The following PDE4B variants were observed in gnomAD, a reference collection of about 807,000 sequenced individuals.
PDE4B encodes the protein phosphodiesterase 4B.
Under a neutral mutation model 82.2 loss-of-function variants are expected in PDE4B, and 20 were observed. That is an observed-to-expected ratio of 0.24 (90% CI 0.17 to 0.35). The LOEUF (loss-of-function observed/expected upper bound fraction) is 0.35. Among genes scored for constraint, PDE4B ranks in the 10% least tolerant of loss-of-function variants. PDE4B has a pLI of 1.00. For synonymous variants in PDE4B, 320 were observed against 318.9 expected, an observed-to-expected ratio of 1.00 and a Z score of -0.04; for missense variants, 655 against 907.2, an observed-to-expected ratio of 0.72 and a Z score of 3.57.
At chr1:66,164,535 C>CAAAAAAAAAAAAAAAAAAAA (rs10718019) in intron 3 of PDE4B, among the ~76,000 whole-genome samples, 26 of 48,556 alleles carry the variant, frequency 5.4e-4, no homozygotes, top group South Asian at 1.4e-3. Flanking sequence ...GACTCCGTCT[C>CAAAAAAAAAAAAAAAAAAAA]AAAAAAAAAA....
At chr1:65,931,283 T>C (rs1209208470) in intron 3 of PDE4B, among the ~76,000 whole-genome samples, 2 of 152,216 alleles carry the variant, frequency 1.3e-5, no homozygotes, top group African/African-American at 4.8e-5. Context: ...TAAACCTCTT[T>C]TCTTTATAAA....
At chr1:65,990,171 A>G (rs1651167940) in intron 3 of PDE4B, among the ~76,000 whole-genome samples, 1 of 152,136 alleles carries the variant, frequency 6.6e-6, no homozygotes, top group Non-Finnish European at 1.5e-5. Context: ...TGAAAAAAGT[A>G]ATGTGGAATC....
At chr1:66,284,581 C>T (rs1042643600) in intron 7 of PDE4B, among the ~76,000 whole-genome samples, 16 of 151,926 alleles carry the variant, frequency 1.1e-4, no homozygotes, top group Non-Finnish European at 2.2e-4. Context: ...TTGCTTGAGC[C>T]CAGGAGTTTG....
At chr1:65,836,644 T>C in intron 1 of PDE4B, among the ~76,000 whole-genome samples, 1 of 152,204 alleles carries the variant, frequency 6.6e-6, no homozygotes, top group East Asian at 1.9e-4. Context: ...TCTACATTTT[T>C]GTTTCAACTC....
intron 3 of PDE4B, among the ~76,000 whole-genome samples, chr1:66,053,855 A>G (rs374897989): frequency 2.0e-5 from 3 of 152,116 alleles, no homozygotes; most frequent in Admixed American, 1.3e-4. Context: ...AAGAAACTCC[A>G]TCTCAATTAA....
intron 3 of PDE4B, among the ~76,000 whole-genome samples, chr1:66,227,247 T>TTTG (rs1651527175): frequency 1.3e-5 from 2 of 152,230 alleles, no homozygotes; most frequent in Non-Finnish European, 2.9e-5. Context: ...CCCTAAGGGC[T>TTTG]TCTAAGTTTG....
chr1:65,946,098 T>TC (rs1319375518), intron 3 of PDE4B, among the ~76,000 whole-genome samples: 1 of 152,020 alleles, frequency 6.6e-6, no homozygotes, highest in Non-Finnish European at 1.5e-5. Flanking sequence ...TTGGGCTTTT[T>TC]CTCCCTCATC....
At chr1:66,093,705 G>A (rs1274030775) in intron 3 of PDE4B, among the ~76,000 whole-genome samples, 1 of 151,976 alleles carries the variant, frequency 6.6e-6, no homozygotes, top group African/African-American at 2.4e-5. Context: ...ACTTATTTAT[G>A]TATTTATTTA....
Position 66,010,973 on chromosome 1 carries a change from T to A in PDE4B, c.281+92138T>A, listed in dbSNP as rs12022451. Among the ~76,000 whole-genome samples the A allele has an allele frequency of 0.012, 1,865 of 151,418 alleles. 165 individuals are homozygous for A. In the East Asian group the frequency reaches 0.24, roughly 19 times the overall value. On this transcript the variant is annotated intron_variant, in intron 3 of 16. Coordinates refer to ENST00000341517, the MANE Select transcript of PDE4B (RefSeq NM_002600.4). Reference sequence around the variant, plus strand: ...AAGTCATTGAAAAATTGTGGAGGAATAAGACTGATCACAGAAGTAACCTAT... The same window carrying A: ...AAGTCATTGAAAAATTGTGGAGGAAAAAGACTGATCACAGAAGTAACCTAT...
intron 7 of PDE4B, among the ~76,000 whole-genome samples, chr1:66,320,680 A>G (rs1292873685): frequency 6.6e-6 from 1 of 152,200 alleles, no homozygotes; most frequent in African/African-American, 2.4e-5. Context: ...TGCTTGATGC[A>G]CAAAAAACTA....
At chr1:65,992,838 T>C (rs1651318640) in intron 3 of PDE4B, 41 of 1,560,144 alleles carry the variant, frequency 2.6e-5, no homozygotes, top group Non-Finnish European at 3.4e-5. Flanking sequence ...TCTTCTGACC[T>C]GCAGCAGTGT....
intron 1 of PDE4B, among the ~76,000 whole-genome samples, chr1:65,883,277 C>T (rs1646731245): frequency 6.6e-6 from 1 of 152,150 alleles, no homozygotes; most frequent in Admixed American, 6.5e-5. Context: ...ATTGATTCTT[C>T]CTACCCATGA....
chr1:65,803,629 CCTTTGGGTCT>C (rs1231608394), intron 1 of PDE4B, among the ~76,000 whole-genome samples: 1 of 152,050 alleles, frequency 6.6e-6, no homozygotes, highest in Non-Finnish European at 1.5e-5. Flanking sequence ...TATAAAAAGT[CCTTTGGGTCT>C]CTTAAATGGT....
chr1:66,105,213 T>G (rs1250478026), intron 3 of PDE4B, among the ~76,000 whole-genome samples: 2 of 144,836 alleles, frequency 1.4e-5, no homozygotes, highest in Non-Finnish European at 3.1e-5. Context: ...TCCCCATTTC[T>G]TGTTTTTGTC....
At position 66,167,670 on chromosome 1, in the gene PDE4B, A is replaced by G. The variant is rs1001321644; in HGVS notation, c.282-79790A>G. 5.3e-5 allele frequency among the ~76,000 whole-genome samples: 8 copies of G among 152,192 alleles called. No individual in the cohort carries two copies. In the East Asian group the frequency reaches 1.5e-3, roughly 29 times the overall value. ...TTTAAAAGGGAACTTAAGCATTTTG[A>G]TATTTCTATGGAAGTGAAAAAGAAA... On this transcript the variant is annotated intron_variant, in intron 3 of 16. Coordinates refer to ENST00000341517, the MANE Select transcript of PDE4B (RefSeq NM_002600.4).
chr1:66,091,658 T>C (rs1209629628), intron 3 of PDE4B, among the ~76,000 whole-genome samples: 3 of 152,042 alleles, frequency 2.0e-5, no homozygotes, highest in African/African-American at 7.2e-5. Flanking sequence ...TGAGAGGTCA[T>C]TTATTAAAAT....
chr1:65,958,180 T>A (rs1553125362), intron 3 of PDE4B, among the ~76,000 whole-genome samples: 4 of 152,106 alleles, frequency 2.6e-5, no homozygotes. Context: ...ATAAGATTTT[T>A]AAAAATATGC....
chr1:66,262,390 G>C (rs1231695686), intron 6 of PDE4B, among the ~76,000 whole-genome samples: 1 of 151,344 alleles, frequency 6.6e-6, no homozygotes, highest in Admixed American at 6.5e-5. Flanking sequence ...ATTGCCCAAG[G>C]GCTATACAGT....
chr1:66,162,825 G>A (rs1036816321), intron 3 of PDE4B, among the ~76,000 whole-genome samples: 11 of 152,114 alleles, frequency 7.2e-5, no homozygotes, highest in African/African-American at 1.4e-4. Context: ...GGTGCTGGAC[G>A]TTTGATAAAC....
Sources: gnomAD v4.1 joint callset for allele counts (sites outside exome capture counted in the v4.1 genomes callset) on GRCh38, gnomAD v4.1.1 for gene constraint, MANE v1.5 for transcripts, NCBI Gene and HGNC (gene_info 2026-07-23, HGNC 2026-07-21) for gene names.